Variants in ABCB1 observed in about 807,000 individuals in gnomAD.
ABCB1 encodes ATP-dependent translocase ABCB1.
In ABCB1, 69 loss-of-function variants were observed where a neutral mutation model predicts 142.0. The ratio of observed to expected loss-of-function variants is 0.49; its 90% CI spans 0.40 to 0.59. ABCB1 has a LOEUF of 0.59. ABCB1 is among the 20% of genes least tolerant of loss of function. The pLI is 0.00. For synonymous variants in ABCB1, 532 were observed against 539.2 expected, an observed-to-expected ratio of 0.99 and a Z score of 0.18; for missense variants, 1,326 against 1,554.7, an observed-to-expected ratio of 0.85 and a Z score of 2.47.
At position 87,595,829 on chromosome 7, in the gene ABCB1, T is replaced by A; in HGVS notation, c.69-15A>T. ...TATCTTTTTCACTGCAAAACAGCAATGGAATTACATAAAACTTTAAAAAGT... is the reference window on the plus strand; with the variant it reads ...TATCTTTTTCACTGCAAAACAGCAAAGGAATTACATAAAACTTTAAAAAGT... On this transcript the variant is annotated splice_polypyrimidine_tract_variant and intron_variant, in intron 2 of 27. Transcript: ENST00000622132. 6.2e-7 allele frequency: 1 copy of A among 1,602,780 alleles called. No individual in the cohort carries two copies. Among genetic ancestry groups the A allele is most frequent in the Non-Finnish European group, 8.5e-7 (1 of 1,170,538 alleles).
chr7:87,682,049 A>G (rs758597420), intron 1 of ABCB1, among the ~76,000 whole-genome samples: 2 of 152,342 alleles, frequency 1.3e-5, no homozygotes, highest in South Asian at 4.1e-4. Context: ...TGTCATTTCA[A>G]TAATGTTCAC....
At chr7:87,539,185 T>A in intron 19 of ABCB1, 83 bp downstream of exon 19, 1 of 1,432,878 alleles carries the variant, frequency 7.0e-7, no homozygotes, top group East Asian at 2.3e-5. Context: ...CTGGGAAACA[T>A]GACAGAGCTC....
At chr7:87,509,195 G>A (rs2235048) in intron 26 of ABCB1, 80 bp downstream of exon 26, 692,704 of 1,435,846 alleles carry the variant, frequency 0.48, 174,173 homozygotes, top group African/African-American at 0.81. Flanking sequence ...ACTTCTGGGA[G>A]ACCAGCCCCT....
At chr7:87,520,661 T>A (rs1815460803) in intron 22 of ABCB1, 115 bp downstream of exon 22, 1 of 888,678 alleles carries the variant, frequency 1.1e-6, no homozygotes, top group Non-Finnish European at 1.9e-6. Flanking sequence ...ATGGTTTACC[T>A]TCGAGCACTT....
rs1420250169 is a variant in ABCB1, at chr7:87,540,079, A to T, written c.2320-734T>A. On this transcript the variant is annotated intron_variant, in intron 18 of 27. Coordinates refer to ENST00000622132, the MANE Select transcript of ABCB1 (RefSeq NM_001348946.2). ...TAAGTACTCAGTAAAGAAAGAATTC[A>T]GTCTGTTTTTTCTTTTGCACCTCTT... Among the ~76,000 whole-genome samples the T allele has an allele frequency of 2.0e-5, 3 of 152,364 alleles. No individual in the cohort carries two copies. In the East Asian group the frequency reaches 5.8e-4, roughly 29 times the overall value.
At chr7:87,687,355 C>T (rs191245660) in intron 1 of ABCB1, among the ~76,000 whole-genome samples, 7 of 152,102 alleles carry the variant, frequency 4.6e-5, no homozygotes, top group Admixed American at 2.0e-4. Context: ...GAAAACTACT[C>T]CATGAGGTTT....
Position 87,626,019 on chromosome 7 carries a change from TATATAGAG to T in ABCB1, c.-330-24949_-330-24942del, listed in dbSNP as rs1311250985. On this transcript the variant is annotated intron_variant, in intron 1 of 28. Coordinates refer to the ABCB1 transcript ENST00000265724. ...ATATATGTATATGTACATATATATATATATAGAGAGAGAGAGAGAGAGAGAGATGGAGT... is the reference window on the plus strand; with the variant it reads ...ATATATGTATATGTACATATATATATAGAGAGAGAGAGAGAGAGATGGAGT... Among the ~76,000 whole-genome samples, 13 of 137,510 alleles carry T rather than the reference TATATAGAG, an allele frequency of 9.5e-5. 1 individual carries two copies. The highest frequency in any genetic ancestry group is 3.5e-4 in the African/African-American group (12 of 33,848). The allele number at this position is 137,510 out of a possible 152,430, so 90.2% of individuals were successfully genotyped here.
intron 8 of ABCB1, among the ~76,000 whole-genome samples, chr7:87,561,006 T>TA (rs1817542425): frequency 6.6e-6 from 1 of 152,182 alleles, no homozygotes. Context: ...ATCAGAGGTA[T>TA]AAAATACATT....
Position 87,504,412 on chromosome 7 carries a change from C to G in ABCB1, c.3674G>C (p.Arg1225Pro). The G allele has an allele frequency of 6.2e-7, 1 of 1,614,092 alleles. No individual in the cohort carries two copies. Among genetic ancestry groups the G allele is most frequent in the Non-Finnish European group, 8.5e-7 (1 of 1,179,970 alleles). The change falls in exon 28 of 28, where the codon CGC becomes CCC. Residue 1225 changes from arginine to proline, a missense_variant. Transcript: ENST00000622132. Reference sequence around the variant, plus strand: ...GCGGTGAGCAATCACAATGCAGGTGCGGCCTTCTCTGGCTTTGTCCAGGGC... The same window carrying G: ...GCGGTGAGCAATCACAATGCAGGTGGGGCCTTCTCTGGCTTTGTCCAGGGC... ...QEALDKAREG[R>P]TCIVIAHRLS...
chr7:87,650,552 C>G (rs1823474859), intron 1 of ABCB1, among the ~76,000 whole-genome samples: 1 of 152,130 alleles, frequency 6.6e-6, no homozygotes, highest in Non-Finnish European at 1.5e-5. Context: ...ACCCTTAATA[C>G]TATTGCTTTG....
intron 1 of ABCB1, among the ~76,000 whole-genome samples, chr7:87,703,252 AT>A (rs60249776): frequency 1.1e-3 from 171 of 149,842 alleles, no homozygotes; most frequent in South Asian, 7.2e-3. Flanking sequence ...TTTATTTAGG[AT>A]TTTTTTTTTC....
chr7:87,544,745 C>T (rs1816695260), intron 16 of ABCB1, 78 bp downstream of exon 16: 5 of 1,432,990 alleles, frequency 3.5e-6, no homozygotes, highest in Non-Finnish European at 4.9e-6. Flanking sequence ...TGTTCCCACT[C>T]CTACTGTAGC....
intron 1 of ABCB1, among the ~76,000 whole-genome samples, chr7:87,633,265 G>A (rs10264856): frequency 0.16 from 23,917 of 152,152 alleles, 3,174 homozygotes; most frequent in African/African-American, 0.37. Flanking sequence ...AAGCGCACAA[G>A]TTTAATCCAC....
intron 21 of ABCB1, among the ~76,000 whole-genome samples, chr7:87,525,589 G>A (rs751882118): frequency 2.0e-4 from 31 of 152,180 alleles, no homozygotes; most frequent in Non-Finnish European, 2.5e-4. Flanking sequence ...CTAGAGGGAA[G>A]AAAATGTTAT....
chr7:87,537,520 A>G (rs1219401575), intron 19 of ABCB1, among the ~76,000 whole-genome samples: 1 of 152,208 alleles, frequency 6.6e-6, no homozygotes, highest in Non-Finnish European at 1.5e-5. Context: ...TAGCCCAAAC[A>G]ACTAGTAGAA....
At chr7:87,586,399 C>T (rs1818758287) in intron 3 of ABCB1, among the ~76,000 whole-genome samples, 1 of 152,144 alleles carries the variant, frequency 6.6e-6, no homozygotes, top group African/African-American at 2.4e-5. Context: ...TCAGGGCCCC[C>T]TTGGGAAGTG....
chr7:87,707,684 AAAAT>A (rs1178194541), intron 1 of ABCB1, among the ~76,000 whole-genome samples: 16 of 151,942 alleles, frequency 1.1e-4, no homozygotes, highest in Non-Finnish European at 1.6e-4. Context: ...AAAATAAAAT[AAAAT>A]AAATAAATAA....
At chr7:87,626,433 GTGTCATATA>G (rs1820553234) in intron 1 of ABCB1, among the ~76,000 whole-genome samples, 1 of 20,678 alleles carries the variant, frequency 4.8e-5, no homozygotes, top group Non-Finnish European at 6.7e-5. Context: ...TCATATGTAT[GTGTCATATA>G]TGTGTCATAT....
upstream of ABCB1, among the ~76,000 whole-genome samples, chr7:87,604,553 T>C (rs1486183790): frequency 2.6e-5 from 4 of 152,108 alleles, no homozygotes. Flanking sequence ...CTGTACTTGA[T>C]AGGGGATATT....
Sources: gnomAD v4.1 joint callset for allele counts (sites outside exome capture counted in the v4.1 genomes callset) on GRCh38, gnomAD v4.1.1 for gene constraint, MANE v1.5 for transcripts, NCBI Gene and HGNC (gene_info 2026-07-23, HGNC 2026-07-21) for gene names.